FLOT2: variants seen among roughly 807,000 people sequenced by gnomAD.
The protein encoded by FLOT2 is flotillin-2.
Under a neutral mutation model 54.9 loss-of-function variants are expected in FLOT2, and 35 were observed. That is an observed-to-expected ratio of 0.64 (90% CI 0.49 to 0.84). FLOT2 has a LOEUF of 0.84. Ranked by LOEUF, FLOT2 falls within the 40% of genes least tolerant of loss-of-function variation. The probability of loss-of-function intolerance (pLI) is 0.00; values close to 1 mark genes in which losing one functional copy is unlikely to be tolerated. For synonymous variants in FLOT2, 207 were observed against 228.9 expected (o/e 0.90, Z 0.86); for missense variants, 464 against 572.1 (o/e 0.81, Z 1.93).
At chr17:28,886,645 C>A (rs1446937756) in intron 2 of FLOT2, among the ~76,000 whole-genome samples, 1 of 152,172 alleles carries the variant, frequency 6.6e-6, no homozygotes, top group Non-Finnish European at 1.5e-5. Context: ...AGCTCCCTGG[C>A]CCATCCTGGC....
At chr17:28,885,680 A>G in intron 2 of FLOT2, 1 of 717,990 alleles carries the variant, frequency 1.4e-6, no homozygotes, top group Non-Finnish European at 2.6e-6. Flanking sequence ...GGCAAGGGCA[A>G]GGGACCTGGG....
Position 28,897,465 on chromosome 17 carries a change from C to A in FLOT2, c.49+61G>T. ...GGCCCAGCTCTTCCCCGTGCACTCC[C>A]CAGCCCTGCACCCACCCCGAGCACC... On this transcript the variant is annotated intron_variant, in intron 1 of 10. Coordinates refer to ENST00000394908, the MANE Select transcript of FLOT2 (RefSeq NM_004475.3). This position sits in a 1 kb window ranked among gnomAD's most constrained non-coding sequence, Gnocchi z 4.4. 6.6e-7 allele frequency: 1 copy of A among 1,503,958 alleles called. No homozygotes were observed. The highest frequency in any genetic ancestry group is 9.1e-7 in the Non-Finnish European group (1 of 1,104,632). The allele number at this position is 1,503,958 out of a possible 1,614,324, so 93.2% of individuals were successfully genotyped here.
Position 28,880,800 on chromosome 17 carries a change from G to T in FLOT2, c.1161C>A (p.Asp387Glu). 1 of 1,614,144 alleles carries T rather than the reference G, an allele frequency of 6.2e-7. No individual in the cohort carries two copies. Among genetic ancestry groups the T allele is most frequent in the Middle Eastern group, 1.6e-4 (1 of 6,062 alleles). ...TCACTTCTGATGTGACCTTACTGTTGTCTCCACTGAGGACCACAATCTCAT... is the reference window on the plus strand; with the variant it reads ...TCACTTCTGATGTGACCTTACTGTTTTCTCCACTGAGGACCACAATCTCAT... ...KVDEIVVLSGDNSKVTSEVNR... is the reference protein window; with the variant it reads ...KVDEIVVLSGENSKVTSEVNR... Residue 387 changes from aspartate to glutamate, a missense_variant, in exon 10 of 11, where the codon GAC becomes GAA. Transcript: ENST00000394908.
chr17:28,886,774 A>T (rs540175968), intron 2 of FLOT2, among the ~76,000 whole-genome samples: 1 of 152,246 alleles, frequency 6.6e-6, no homozygotes, highest in East Asian at 1.9e-4. Context: ...CCGAGGGTGA[A>T]GGGGCAGAAG....
Position 28,897,601 on chromosome 17 carries a change from G to C in FLOT2, c.-27C>G. 6.4e-7 allele frequency: 1 copy of C among 1,571,832 alleles called. No homozygotes were observed. The highest frequency in any genetic ancestry group is 8.6e-7 in the Non-Finnish European group (1 of 1,159,656). On this transcript the variant is annotated 5_prime_UTR_variant, in exon 1 of 11. Coordinates refer to ENST00000394908, the MANE Select transcript of FLOT2 (RefSeq NM_004475.3). This position sits in a 1 kb window ranked among gnomAD's most constrained non-coding sequence, Gnocchi z 4.4. ...GCGCCGGCGGCACGGAGGGCCCTCG[G>C]GACCGCACAGACCCGGACAACAGCA...
chr17:28,885,534 T>C, intron 2 of FLOT2: 1 of 713,866 alleles, frequency 1.4e-6, no homozygotes, highest in Non-Finnish European at 2.6e-6. Flanking sequence ...TTGGAGCTAA[T>C]TAACACCCAA....
In FLOT2 at chr17:28,882,290, A is replaced by G. The variant is rs751470834; in HGVS notation, c.579+47T>C. 7 of 1,614,018 alleles carry G rather than the reference A, an allele frequency of 4.3e-6. No individual in the cohort carries two copies. In the South Asian group the frequency reaches 7.7e-5, roughly 18 times the overall value. Reference sequence around the variant, plus strand: ...GGTGAGTGAGTAGAGGTCCTGAGTCATCATGGTCCCATCACCCCTGAGCTT... The same window carrying G: ...GGTGAGTGAGTAGAGGTCCTGAGTCGTCATGGTCCCATCACCCCTGAGCTT... On this transcript the variant is annotated intron_variant, in intron 6 of 10. Transcript: ENST00000394908. This position sits in a 1 kb window ranked among gnomAD's most constrained non-coding sequence, Gnocchi z 5.6.
At chr17:28,894,085 G>A (rs779427330) in intron 1 of FLOT2, among the ~76,000 whole-genome samples, 2 of 152,206 alleles carry the variant, frequency 1.3e-5, no homozygotes, top group Non-Finnish European at 2.9e-5. Flanking sequence ...GCACAAGCCG[G>A]TCTCAAACTC....
rs777867961 is a variant in FLOT2 at position 28,881,264 on chromosome 17, C to T, written c.1026G>A (p.Lys342=). Reference sequence around the variant, plus strand: ...ATTTCTGGTAGGCTTCTGCCTTGAGCTTCATCCGCTCAGCCTCTGCCTTGC... The same window carrying T: ...ATTTCTGGTAGGCTTCTGCCTTGAGTTTCATCCGCTCAGCCTCTGCCTTGC... ...AMGKAEAERM[K]LKAEAYQKYG... The change falls in exon 9 of 11, where the codon AAG becomes AAA. Residue 342 remains lysine (K), a synonymous_variant. Coordinates refer to ENST00000394908, the MANE Select transcript of FLOT2 (RefSeq NM_004475.3). 6.8e-6 allele frequency: 11 copies of T among 1,614,096 alleles called. No homozygotes were observed. Among genetic ancestry groups the T allele is most frequent in the African/African-American group, 1.3e-5 (1 of 74,950 alleles).
intron 2 of FLOT2, chr17:28,885,512 C>A: frequency 1.4e-6 from 1 of 702,182 alleles, no homozygotes. Context: ...CCACACATGA[C>A]AGAGTAAGCA....
intron 2 of FLOT2, chr17:28,885,503 C>T: frequency 1.4e-6 from 1 of 691,306 alleles, no homozygotes; most frequent in Non-Finnish European, 2.7e-6. Flanking sequence ...GAGGGGAACC[C>T]ACACATGACA....
At position 28,882,880 on chromosome 17, in the gene FLOT2, T is replaced by C. The variant is rs2039480068; in HGVS notation, c.347-189A>G. On this transcript the variant is annotated intron_variant, in intron 4 of 10. Transcript: ENST00000394908. This position sits in a 1 kb window ranked among gnomAD's most constrained non-coding sequence, Gnocchi z 5.6. The stretch of plus-strand genomic sequence containing the variant: ...ACAGTCCAGGCTGAATGAGGAAAAG[T>C]GTCCCAAGCAGCACTAGGTTCCTGA... 2 of 634,208 alleles carry C rather than the reference T, an allele frequency of 3.2e-6. No individual in the cohort carries two copies. Among genetic ancestry groups the C allele is most frequent in the Admixed American group, 2.9e-5 (1 of 34,610 alleles). The allele number at this position is 634,208 out of a possible 1,614,324, so 39.3% of individuals were successfully genotyped here. A position where few individuals can be genotyped will look rare whatever the true frequency, so the allele number is the denominator to read the frequency against.
At chr17:28,886,012 A>C in intron 2 of FLOT2, 1 of 801,340 alleles carries the variant, frequency 1.2e-6, no homozygotes, top group Non-Finnish European at 2.0e-6. Context: ...CACAGCAAAC[A>C]CACACAGTAG....
rs1245853954 is a variant in FLOT2, at chr17:28,880,788, G to T, written c.1173C>A (p.Val391=). The part of the protein sequence containing the change: ...IVVLSGDNSK[V]TSEVNRLLAE... ...CCAGCAGTCGGTTCACTTCTGATGTGACCTTACTGTTGTCTCCACTGAGGA... is the reference window on the plus strand; with the variant it reads ...CCAGCAGTCGGTTCACTTCTGATGTTACCTTACTGTTGTCTCCACTGAGGA... Residue 391 remains valine (V), a synonymous_variant, in exon 10 of 11, where the codon GTC becomes GTA. Coordinates refer to ENST00000394908, the MANE Select transcript of FLOT2 (RefSeq NM_004475.3). 7 of 1,614,184 alleles carry T rather than the reference G, an allele frequency of 4.3e-6. No individual in the cohort carries two copies. The highest frequency in any genetic ancestry group is 5.9e-6 in the Non-Finnish European group (7 of 1,180,022).
chr17:28,886,550 G>C (rs1354904276), intron 2 of FLOT2, among the ~76,000 whole-genome samples: 1 of 152,218 alleles, frequency 6.6e-6, no homozygotes, highest in Non-Finnish European at 1.5e-5. Context: ...ATAACCGGGA[G>C]ATAAGGGAGG....
At chr17:28,888,684 C>T (rs7216404) in intron 2 of FLOT2, among the ~76,000 whole-genome samples, 62,169 of 152,040 alleles carry the variant, frequency 0.41, 16,040 homozygotes, top group African/African-American at 0.74. Context: ...GAAGTAATGC[C>T]ACCTCCAGTG....
chr17:28,897,493 C>A lies in FLOT2; in HGVS notation c.49+33G>T. ...GCCCTGCACCCACCCCGAGCACCCT[C>A]CACAGCTCCCACCTTCCTCGCCGCC... On this transcript the variant is annotated intron_variant, in intron 1 of 10. Transcript: ENST00000394908. This position sits in a 1 kb window ranked among gnomAD's most constrained non-coding sequence, Gnocchi z 4.4. 1 of 1,592,296 alleles carries A rather than the reference C, an allele frequency of 6.3e-7. No homozygotes were observed. The highest frequency in any genetic ancestry group is 8.6e-7 in the Non-Finnish European group (1 of 1,169,088).
chr17:28,897,703 C>T lies in FLOT2; in HGVS notation c.-129G>A, dbSNP rs902720006. ...CGGCCGCCCGCTCGCTCGCCCGCGCCCCTCTGCGGTCGCAGCCCCGCCGGA... is the reference window on the plus strand; with the variant it reads ...CGGCCGCCCGCTCGCTCGCCCGCGCTCCTCTGCGGTCGCAGCCCCGCCGGA... On this transcript the variant is annotated 5_prime_UTR_variant, in exon 1 of 11. Transcript: ENST00000394908. The surrounding 1 kb of genome is among the most constrained non-coding windows in gnomAD (Gnocchi z 4.4). 9.9e-6 allele frequency: 8 copies of T among 810,570 alleles called. No individual in the cohort carries two copies. Among genetic ancestry groups the T allele is most frequent in the Non-Finnish European group, 1.2e-5 (7 of 599,790 alleles). The allele number at this position is 810,570 out of a possible 1,614,324, so 50.2% of individuals were successfully genotyped here. A position where few individuals can be genotyped will look rare whatever the true frequency, so the allele number is the denominator to read the frequency against.
rs1274236060 is a variant in FLOT2 at position 28,884,739 on chromosome 17, A to G, written c.132-424T>C. 2.0e-5 allele frequency among the ~76,000 whole-genome samples: 3 copies of G among 152,116 alleles called. No individual in the cohort carries two copies. The highest frequency in any genetic ancestry group is 4.4e-5 in the Non-Finnish European group (3 of 67,992). The stretch of plus-strand genomic sequence containing the variant: ...GAGCCTCCCACAGGGGCCCTTGCCC[A>G]TTCCTTGGTCTACCCAGCACCCCAG... On this transcript the variant is annotated intron_variant, in intron 2 of 10. Transcript: ENST00000394908. The surrounding 1 kb of genome is among the most constrained non-coding windows in gnomAD (Gnocchi z 5.1).
Sources: gnomAD v4.1 joint callset for allele counts (sites outside exome capture counted in the v4.1 genomes callset) on GRCh38, gnomAD v4.1.1 for gene constraint, Gnocchi (gnomAD v3.1) non-coding constraint, MANE v1.5 for transcripts, NCBI Gene and HGNC (gene_info 2026-07-23, HGNC 2026-07-21) for gene names.